The following RASA1 variants were observed in gnomAD, a reference collection of about 807,000 sequenced individuals.
RASA1 encodes the protein RAS p21 protein activator 1.
RASA1 carries 25 observed loss-of-function variants against 132.2 expected under a neutral mutation model. That is an observed-to-expected ratio of 0.19 (90% CI 0.14 to 0.26). RASA1 has a LOEUF of 0.26. RASA1 is among the 10% of genes least tolerant of loss of function. The probability of loss-of-function intolerance (pLI) is 1.00; values close to 1 mark genes in which losing one functional copy is unlikely to be tolerated. For synonymous variants in RASA1, 477 were observed against 449.9 expected, an observed-to-expected ratio of 1.06 and a Z score of -0.76; for missense variants, 964 against 1,299.2, an observed-to-expected ratio of 0.74 and a Z score of 3.97.
chr5:87,384,257 A>T (rs1761921671), intron 21 of RASA1, among the ~76,000 whole-genome samples: 1 of 152,158 alleles, frequency 6.6e-6, no homozygotes, highest in Admixed American at 6.6e-5. Flanking sequence ...CCAGTTATAT[A>T]GTGTAAATTG....
At chr5:87,385,763 ACTAT>A (rs537313865) in intron 22 of RASA1, among the ~76,000 whole-genome samples, 243 of 152,190 alleles carry the variant, frequency 1.6e-3, no homozygotes, top group African/African-American at 5.3e-3. Context: ...ACTTAATTGT[ACTAT>A]CTAAGGATAA....
At chr5:87,287,857 CA>C (rs1754727053) in intron 1 of RASA1, among the ~76,000 whole-genome samples, 1 of 118,190 alleles carries the variant, frequency 8.5e-6, no homozygotes, top group Non-Finnish European at 1.8e-5. Context: ...ATACACACAC[CA>C]TATATATACC....
intron 6 of RASA1, 99 bp downstream of exon 6, chr5:87,341,420 G>T (rs1050401507): frequency 4.1e-6 from 3 of 725,736 alleles, no homozygotes; most frequent in Non-Finnish European, 5.9e-6. Context: ...TAAGGTTTTG[G>T]ACTGACTTAA....
At chr5:87,390,002 C>T (rs980126479) in intron 24 of RASA1, among the ~76,000 whole-genome samples, 3 of 152,238 alleles carry the variant, frequency 2.0e-5, no homozygotes, top group Non-Finnish European at 4.4e-5. Context: ...GTCTAACAAA[C>T]TCTTAGAGGA....
chr5:87,342,869 A>G (rs1252769953), intron 6 of RASA1, among the ~76,000 whole-genome samples: 1 of 152,190 alleles, frequency 6.6e-6, no homozygotes. Flanking sequence ...GGAATTTTAA[A>G]TTTAAAAATA....
intron 1 of RASA1, among the ~76,000 whole-genome samples, chr5:87,272,946 G>A (rs983303571): frequency 6.6e-6 from 1 of 152,290 alleles, no homozygotes; most frequent in East Asian, 1.9e-4. Flanking sequence ...TTGAAGAAAT[G>A]TTGGACTAAA....
intron 9 of RASA1, among the ~76,000 whole-genome samples, chr5:87,360,099 C>A (rs1278661011): frequency 6.9e-6 from 1 of 144,430 alleles, no homozygotes; most frequent in Non-Finnish European, 1.5e-5. Flanking sequence ...CTTATTCTTT[C>A]TTGTTTTTGT....
intron 1 of RASA1, among the ~76,000 whole-genome samples, chr5:87,270,394 C>T (rs1294650239): frequency 2.7e-5 from 4 of 149,128 alleles, no homozygotes; most frequent in Non-Finnish European, 5.9e-5. Flanking sequence ...GTTGCCCAGG[C>T]TGGAGTGCAG....
chr5:87,271,364 C>T (rs1373882033), intron 1 of RASA1, among the ~76,000 whole-genome samples: 1 of 146,612 alleles, frequency 6.8e-6, no homozygotes, highest in Non-Finnish European at 1.5e-5. Flanking sequence ...ACTTTTCATA[C>T]TGAAAGAATC....
intron 1 of RASA1, among the ~76,000 whole-genome samples, chr5:87,292,090 T>G (rs1399856334): frequency 6.6e-6 from 1 of 152,236 alleles, no homozygotes; most frequent in Non-Finnish European, 1.5e-5. Flanking sequence ...ATGTGTCTTT[T>G]GAAAATATTT....
chr5:87,372,366 C>T (rs1034750321), intron 13 of RASA1, among the ~76,000 whole-genome samples, 171 bp downstream of exon 13: 3 of 152,132 alleles, frequency 2.0e-5, no homozygotes, highest in African/African-American at 7.2e-5. Context: ...AATGTTCTTT[C>T]TTAGTCCATG....
At chr5:87,368,955 A>C (rs1760728654) in intron 11 of RASA1, among the ~76,000 whole-genome samples, 1 of 152,222 alleles carries the variant, frequency 6.6e-6, no homozygotes, top group African/African-American at 2.4e-5. Context: ...GGCAACATTT[A>C]GGATTAGAAG....
intron 1 of RASA1, among the ~76,000 whole-genome samples, chr5:87,276,624 T>A (rs1368487083): frequency 2.0e-5 from 3 of 152,042 alleles, no homozygotes; most frequent in Non-Finnish European, 4.4e-5. Flanking sequence ...TGCAGGTAAA[T>A]TTTTCAAATT....
At chr5:87,333,978 T>C (rs1309624608) in intron 4 of RASA1, among the ~76,000 whole-genome samples, 1 of 152,164 alleles carries the variant, frequency 6.6e-6, no homozygotes, top group African/African-American at 2.4e-5. Flanking sequence ...TTTAGGTAAT[T>C]TTAAAAAATT....
intron 1 of RASA1, among the ~76,000 whole-genome samples, chr5:87,290,844 G>A (rs1754883720): frequency 1.3e-5 from 2 of 152,072 alleles, no homozygotes; most frequent in South Asian, 4.1e-4. Context: ...TTGTCTGAAT[G>A]CACCATAATT....
At chr5:87,375,990 C>T in intron 15 of RASA1, among the ~76,000 whole-genome samples, 1 of 152,170 alleles carries the variant, frequency 6.6e-6, no homozygotes. Flanking sequence ...AGCTACACCT[C>T]TAGATCTCGT....
chr5:87,269,150 C>A, intron 1 of RASA1, 160 bp downstream of exon 1: 1 of 1,613,000 alleles, frequency 6.2e-7, no homozygotes, highest in South Asian at 1.1e-5. Flanking sequence ...GATCACTTAT[C>A]TTCCTTACAG....
intron 1 of RASA1, among the ~76,000 whole-genome samples, chr5:87,292,232 G>T (rs1448497244): frequency 6.6e-6 from 1 of 152,066 alleles, no homozygotes; most frequent in African/African-American, 2.4e-5. Context: ...GTCTGAGAAG[G>T]CATCACCATA....
In RASA1 at chr5:87,356,422, C is replaced by G. The variant is rs189873794; in HGVS notation, c.1332+3187C>G. On this transcript the variant is annotated intron_variant, in intron 9 of 24. Transcript: ENST00000274376. ...TTCTCCCTCCGGAGTCAGGGTCTTG[C>G]GCTGTGGCTGAGGCTGGAGTACAGT... 1.2e-3 allele frequency among the ~76,000 whole-genome samples: 174 copies of G among 150,432 alleles called. 1 individual carries two copies. The highest frequency in any genetic ancestry group is 4.2e-3 in the African/African-American group (170 of 40,778).
Sources: gnomAD v4.1 joint callset for allele counts (sites outside exome capture counted in the v4.1 genomes callset) on GRCh38, gnomAD v4.1.1 for gene constraint, MANE v1.5 for transcripts, NCBI Gene and HGNC (gene_info 2026-07-23, HGNC 2026-07-21) for gene names.